The following ADRA1B variants were observed in gnomAD, a reference collection of about 807,000 sequenced individuals.
The protein encoded by ADRA1B is adrenoceptor alpha 1B, also known as alpha-1B adrenergic receptor.
Under a neutral mutation model 17.9 loss-of-function variants are expected in ADRA1B, and 17 were observed. The ratio of observed to expected loss-of-function variants is 0.95; its 90% confidence interval spans 0.65 to 1.42. The LOEUF is 1.42. Among genes scored for constraint, ADRA1B ranks in the 40% most tolerant of loss-of-function variants. ADRA1B has a pLI of 0.00. For missense variants in ADRA1B, 681 were observed against 722.1 expected, an observed-to-expected ratio of 0.94 and a Z score of 0.65; for synonymous variants, 366 against 327.6, an observed-to-expected ratio of 1.12 and a Z score of -1.27.
At chr5:159,966,711 CA>C (rs2113291188) in intron 1 of ADRA1B, among the ~76,000 whole-genome samples, 1 of 152,312 alleles carries the variant, frequency 6.6e-6, no homozygotes, top group African/African-American at 2.4e-5. Context: ...ACAACCAGTT[CA>C]AAAGGCAATT....
At chr5:159,984,782 G>A in the ADRA1B span, among the ~76,000 whole-genome samples, 7 of 151,644 alleles carry the variant, frequency 4.6e-5, no homozygotes, top group Non-Finnish European at 8.8e-5. Context: ...GGTGGCGAGT[G>A]TCTACAATCC....
rs144637682 is a variant in ADRA1B at position 159,874,703 on chromosome 5, A to T, written c.-256+9497A>T. 1.1e-3 allele frequency among the ~76,000 whole-genome samples: 163 copies of T among 152,358 alleles called. 1 individual carries two copies. Among genetic ancestry groups the T allele is most frequent in the African/African-American group, 3.7e-3 (155 of 41,576 alleles). On this transcript the variant is annotated intron_variant, in intron 1 of 2. Transcript: ENST00000641205. ...ATTTAACAGCCTGAAGAATTAAATT[A>T]AACAACCTGTGTGGGTCATGCAGGG...
chr5:159,944,008 A>G (rs996255001), intron 1 of ADRA1B, among the ~76,000 whole-genome samples: 8 of 151,960 alleles, frequency 5.3e-5, no homozygotes, highest in Non-Finnish European at 1.2e-4. Context: ...CTTTAAAACC[A>G]ATACCTCTTT....
At chr5:159,887,127 A>T (rs1753933801) in intron 1 of ADRA1B, among the ~76,000 whole-genome samples, 1 of 152,304 alleles carries the variant, frequency 6.6e-6, no homozygotes, top group Non-Finnish European at 1.5e-5. Flanking sequence ...ATTTTGCCAC[A>T]TGTTACCATG....
intron 1 of ADRA1B, among the ~76,000 whole-genome samples, chr5:159,880,568 A>C (rs1029363662): frequency 1.3e-5 from 2 of 152,226 alleles, no homozygotes; most frequent in Non-Finnish European, 1.5e-5. Context: ...AAAGCTCATG[A>C]AAACTGGTCA....
At chr5:159,961,328 TG>T (rs1050242840) in intron 1 of ADRA1B, among the ~76,000 whole-genome samples, 52 of 152,222 alleles carry the variant, frequency 3.4e-4, no homozygotes, top group African/African-American at 1.1e-3. Context: ...TAACTGGTTT[TG>T]GAATGGAGTT....
intron 1 of ADRA1B, among the ~76,000 whole-genome samples, chr5:159,900,657 C>A (rs1754091195): frequency 6.6e-6 from 1 of 152,180 alleles, no homozygotes; most frequent in Non-Finnish European, 1.5e-5. Context: ...AGAGAGTCAG[C>A]AAAGGGGAGC....
intron 1 of ADRA1B, among the ~76,000 whole-genome samples, chr5:159,958,506 C>A (rs1755606969): frequency 6.6e-6 from 1 of 152,106 alleles, no homozygotes; most frequent in Admixed American, 6.5e-5. Context: ...TGAGTTTACC[C>A]ATTTTCCTCA....
At chr5:159,915,834 G>C (rs1207255907), upstream of ADRA1B, among the ~76,000 whole-genome samples, 2 of 152,154 alleles carry the variant, frequency 1.3e-5, no homozygotes, top group East Asian at 3.9e-4. Flanking sequence ...TCTGTCTTCT[G>C]TCGGGAGAAG....
chr5:159,968,664 A>T (rs1178803599), intron 1 of ADRA1B, among the ~76,000 whole-genome samples: 2 of 152,154 alleles, frequency 1.3e-5, no homozygotes, highest in African/African-American at 4.8e-5. Context: ...CATGCAAAGT[A>T]ATGTGCTGCC....
intron 1 of ADRA1B, among the ~76,000 whole-genome samples, chr5:159,941,919 CTT>C (rs70987983): frequency 0.14 from 17,605 of 122,130 alleles, 1,359 homozygotes; most frequent in Non-Finnish European, 0.18. Context: ...TACTGGGTTT[CTT>C]TTTTTTTTTT....
chr5:159,904,110 C>A (rs989495151), intron 1 of ADRA1B, among the ~76,000 whole-genome samples: 51 of 152,204 alleles, frequency 3.4e-4, no homozygotes, highest in African/African-American at 1.2e-3. Flanking sequence ...GCAATGAGCA[C>A]AATTTACCTT....
intron 1 of ADRA1B, among the ~76,000 whole-genome samples, chr5:159,897,357 G>A (rs933126233): frequency 1.1e-4 from 17 of 152,062 alleles, no homozygotes; most frequent in East Asian, 3.9e-4. Context: ...GTGGTGGAAC[G>A]CACCTGTAAT....
intron 1 of ADRA1B, chr5:159,869,207 T>C (rs954075178): frequency 6.6e-6 from 1 of 152,338 alleles, no homozygotes; most frequent in African/African-American, 2.4e-5. Context: ...AGCTGAATAC[T>C]CCTACTCTAT....
chr5:159,925,251 C>G (rs935828090), intron 1 of ADRA1B, among the ~76,000 whole-genome samples: 1 of 152,190 alleles, frequency 6.6e-6, no homozygotes, highest in African/African-American at 2.4e-5. Flanking sequence ...CATTCAGCAA[C>G]CAAGAGGCAC....
downstream of ADRA1B, among the ~76,000 whole-genome samples, chr5:159,973,945 C>T (rs556057702): frequency 2.6e-4 from 40 of 152,340 alleles, 1 homozygote; most frequent in South Asian, 7.9e-3. Context: ...CGCTCTTCCC[C>T]CATCCCATCC....
At chr5:159,897,887 AGAGTAAG>A (rs1478529197) in intron 1 of ADRA1B, among the ~76,000 whole-genome samples, 2 of 152,234 alleles carry the variant, frequency 1.3e-5, no homozygotes, top group Admixed American at 6.5e-5. Flanking sequence ...GCCCGATGGC[AGAGTAAG>A]GACAAGGGCA....
chr5:159,981,334 T>C, the ADRA1B span, among the ~76,000 whole-genome samples: 1 of 151,890 alleles, frequency 6.6e-6, no homozygotes, highest in Non-Finnish European at 1.5e-5. Context: ...GCTGTGACAA[T>C]CAAAATTGTC....
At chr5:159,985,286 C>T in the ADRA1B span, among the ~76,000 whole-genome samples, 1 of 152,206 alleles carries the variant, frequency 6.6e-6, no homozygotes. Flanking sequence ...TTAATTATCA[C>T]ATGTAATGAA....
Sources: gnomAD v4.1 joint callset for allele counts (sites outside exome capture counted in the v4.1 genomes callset) on GRCh38, gnomAD v4.1.1 for gene constraint, MANE v1.5 for transcripts, NCBI Gene and HGNC (gene_info 2026-07-23, HGNC 2026-07-21) for gene names.